MYCBP2: variants seen among roughly 807,000 people sequenced by gnomAD.
MYCBP2 encodes MYC binding protein 2.
A neutral mutation model predicts 525.3 loss-of-function variants in MYCBP2; 120 were observed. The ratio of observed to expected loss-of-function variants is 0.23; its 90% CI spans 0.20 to 0.27. MYCBP2 has a LOEUF of 0.27. Ranked by LOEUF, MYCBP2 falls within the 10% of genes least tolerant of loss-of-function variation. The pLI, the probability that MYCBP2 is intolerant of heterozygous loss-of-function variation, is 1.00. For synonymous variants in MYCBP2, 1,894 were observed against 1,955.8 expected, an observed-to-expected ratio of 0.97 and a Z score of 0.83; for missense variants, 4,149 against 5,657.1, an observed-to-expected ratio of 0.73 and a Z score of 8.55.
At chr13:77,287,392 C>G (rs929330631) in intron 3 of MYCBP2, among the ~76,000 whole-genome samples, 8 of 151,474 alleles carry the variant, frequency 5.3e-5, no homozygotes, top group African/African-American at 1.9e-4. Flanking sequence ...ACCATGTTGG[C>G]CAGGCTGTTC....
chr13:77,110,837 A>T (rs1224287781), intron 55 of MYCBP2, among the ~76,000 whole-genome samples: 1 of 152,210 alleles, frequency 6.6e-6, no homozygotes, highest in Non-Finnish European at 1.5e-5. Context: ...TAGATTTGCC[A>T]GCTATGACTT....
chr13:77,126,512 T>C lies in MYCBP2; in HGVS notation c.7690A>G (p.Lys2564Glu), dbSNP rs1221563134. Residue 2564 changes from lysine (K) to glutamate (E), a missense_variant, in exon 53 of 83, where the codon AAA becomes GAA. Coordinates refer to ENST00000544440, the MANE Select transcript of MYCBP2 (RefSeq NM_015057.5). ...TGTGGGCAGCAGGAGTTTATGTCTT[T>C]GAAAAAGTCATCAGTATTAGTTTTA... is the stretch of plus-strand genomic sequence containing the variant. ...ESKTNTDDFF[K>E]DINSCCPQEA... 6 of 1,613,122 alleles carry C rather than the reference T, an allele frequency of 3.7e-6. No individual in the cohort carries two copies. Among genetic ancestry groups the C allele is most frequent in the Non-Finnish European group, 5.1e-6 (6 of 1,179,632 alleles).
At chr13:77,298,259 G>A (rs956918205) in intron 1 of MYCBP2, among the ~76,000 whole-genome samples, 1 of 152,146 alleles carries the variant, frequency 6.6e-6, no homozygotes, top group Non-Finnish European at 1.5e-5. Flanking sequence ...GTCTTCTCCT[G>A]CTAACCACTA....
intron 18 of MYCBP2, among the ~76,000 whole-genome samples, chr13:77,227,463 T>TAC (rs1231980266): frequency 6.7e-4 from 80 of 118,736 alleles, no homozygotes; most frequent in East Asian, 6.7e-3. Context: ...TGCAAAAGCC[T>TAC]ACACACACAC....
At chr13:77,324,512 GCTA>G (rs1199964192) in intron 1 of MYCBP2, among the ~76,000 whole-genome samples, 1 of 152,140 alleles carries the variant, frequency 6.6e-6, no homozygotes, top group South Asian at 2.1e-4. Context: ...GTAGTTGCAG[GCTA>G]CTTTTTGTAA....
chr13:77,071,324 T>C (rs2041243077), intron 68 of MYCBP2, among the ~76,000 whole-genome samples: 1 of 148,382 alleles, frequency 6.7e-6, no homozygotes, highest in African/African-American at 2.5e-5. Context: ...TTATCTAATC[T>C]TCGCAACAAC....
In MYCBP2 at chr13:77,185,979, C is replaced by T. The variant is rs1461723252; in HGVS notation, c.4336G>A (p.Gly1446Arg). The T allele has an allele frequency of 1.2e-6, 2 of 1,613,654 alleles. No individual in the cohort carries two copies. Among genetic ancestry groups the T allele is most frequent in the East Asian group, 2.2e-5 (1 of 44,866 alleles). The change falls in exon 31 of 83, where the codon GGA (glycine) becomes AGA (arginine). Residue 1446 changes from glycine to arginine, a missense_variant. By Grantham distance (125) the Gly-to-Arg change is moderately radical (BLOSUM62 -2). Around this residue, in one of 21 missense-constraint regions of MYCBP2, gnomAD observed 292 missense variants for 330.5 expected, o/e 0.88. Transcript: ENST00000544440. Reference sequence around the variant, plus strand: ...AGGAGTGTAGCTGTGAACTGGAATCCTTTTAATCCTCTAAGTTCTTCAACT... The same window carrying T: ...AGGAGTGTAGCTGTGAACTGGAATCTTTTTAATCCTCTAAGTTCTTCAACT... ...LGVEELRGLK[G>R]FQFTATLLDL...
intron 26 of MYCBP2, among the ~76,000 whole-genome samples, chr13:77,199,524 C>T (rs1041046786): frequency 1.2e-4 from 18 of 152,238 alleles, no homozygotes; most frequent in Admixed American, 2.0e-4. Context: ...GAAGCTCCAA[C>T]TGGGTGGAGC....
chr13:77,189,263 C>T (rs532325320), intron 29 of MYCBP2, among the ~76,000 whole-genome samples: 19 of 152,078 alleles, frequency 1.2e-4, no homozygotes, highest in South Asian at 6.2e-4. Flanking sequence ...TTCGCAAGAC[C>T]GAGTAGTAGA....
intron 82 of MYCBP2, 30 bp from the exon 83 acceptor site, chr13:77,045,523 A>T: frequency 6.9e-7 from 1 of 1,449,830 alleles, no homozygotes; most frequent in Non-Finnish European, 9.7e-7. Context: ...GCAAAGGAAA[A>T]TAATGTTTTA....
At chr13:77,182,993 A>G (rs1320468124) in intron 32 of MYCBP2, among the ~76,000 whole-genome samples, 1 of 152,126 alleles carries the variant, frequency 6.6e-6, no homozygotes. Flanking sequence ...TTCATCAACC[A>G]CTGTTCCTGT....
intron 1 of MYCBP2, among the ~76,000 whole-genome samples, chr13:77,317,276 G>C (rs1356460245): frequency 1.3e-5 from 2 of 152,168 alleles, no homozygotes; most frequent in East Asian, 3.8e-4. Flanking sequence ...TTTAGAAAAG[G>C]AGCCCCAAAT....
intron 61 of MYCBP2, among the ~76,000 whole-genome samples, chr13:77,088,610 A>G (rs1258918464): frequency 6.6e-6 from 1 of 152,030 alleles, no homozygotes; most frequent in African/African-American, 2.4e-5. Flanking sequence ...GTAAAGCAAT[A>G]CAGAAATAAA....
At chr13:77,190,183 T>C (rs2061163336) in intron 29 of MYCBP2, 69 bp downstream of exon 29, 3 of 978,290 alleles carry the variant, frequency 3.1e-6, no homozygotes, top group African/African-American at 1.6e-5. Flanking sequence ...ATGCCACGTT[T>C]TGTAATGATT....
rs35887505 is a variant in MYCBP2, at chr13:77,171,531, C to T, written c.5755G>A (p.Ala1919Thr). The change falls in exon 38 of 83, where the codon GCC becomes ACC. Residue 1919 changes from alanine (A) to threonine (T), a missense_variant. This residue lies in a region of MYCBP2 where 692 missense variants were observed against 852.7 expected (regional missense o/e 0.81). Coordinates refer to ENST00000544440, the MANE Select transcript of MYCBP2 (RefSeq NM_015057.5). ...GCTCTGTGCAGGAGGTCCTTAGAGG[C>T]TCGAACGACAGTGCTTACAACAGAC... The part of the protein sequence containing the change: ...ALSVVSTVVR[A>T]SKDLLHRALA... 7 of 1,614,052 alleles carry T rather than the reference C, an allele frequency of 4.3e-6. 1 individual carries two copies. The Admixed American group carries it at 8.3e-5, about 19-fold the overall frequency.
At chr13:77,269,310 G>A (rs994249959) in intron 7 of MYCBP2, among the ~76,000 whole-genome samples, 1 of 152,142 alleles carries the variant, frequency 6.6e-6, no homozygotes, top group African/African-American at 2.4e-5. Flanking sequence ...ACCCTAATTT[G>A]GCCTCAGGAC....
chr13:77,293,903 C>T (rs2077751421), intron 2 of MYCBP2, among the ~76,000 whole-genome samples: 1 of 151,840 alleles, frequency 6.6e-6, no homozygotes, highest in African/African-American at 2.4e-5. Flanking sequence ...CCATTTTGGA[C>T]TTCAGATTTC....
At chr13:77,296,854 GAAGAT>G (rs1317878641) in intron 1 of MYCBP2, among the ~76,000 whole-genome samples, 180 bp from the exon 2 acceptor site, 2 of 152,102 alleles carry the variant, frequency 1.3e-5, no homozygotes, top group South Asian at 2.1e-4. Flanking sequence ...TAGCTATTGA[GAAGAT>G]AACATGGGGC....
intron 68 of MYCBP2, among the ~76,000 whole-genome samples, chr13:77,073,144 C>T (rs2041676717): frequency 6.6e-6 from 1 of 151,980 alleles, no homozygotes; most frequent in African/African-American, 2.4e-5. Context: ...CATGTAGCTA[C>T]CATCCCCTAG....
Sources: allele counts gnomAD v4.1 joint callset (sites outside exome capture counted in the v4.1 genomes callset), GRCh38; gene constraint gnomAD v4.1.1; regional missense constraint gnomAD v4.1.1; transcripts MANE v1.5; gene names NCBI Gene and HGNC (gene_info 2026-07-23, HGNC 2026-07-21).